HAUS8: variants seen among roughly 807,000 people sequenced by gnomAD.
The protein encoded by HAUS8 is HAUS augmin-like complex subunit 8.
HAUS8 carries 38 observed loss-of-function variants against 42.9 expected under a neutral mutation model. The observed-to-expected ratio is 0.89, with a 90% CI of 0.68 to 1.16. HAUS8 has a LOEUF of 1.16. HAUS8 is among the 50% of genes most tolerant of loss of function. The pLI, the probability that HAUS8 is intolerant of heterozygous loss-of-function variation, is 0.00. For synonymous variants in HAUS8, 199 were observed against 205.8 expected (o/e 0.97, Z 0.28); for missense variants, 494 against 511.6 (o/e 0.97, Z 0.33).
At position 17,058,840 on chromosome 19, in the gene HAUS8, T is replaced by C; in HGVS notation, c.457A>G (p.Thr153Ala). The C allele has an allele frequency of 6.2e-7, 1 of 1,613,580 alleles. No homozygotes were observed. Among genetic ancestry groups the C allele is most frequent in the Non-Finnish European group, 8.5e-7 (1 of 1,179,846 alleles). ...SEAMEMMESQ[T>A]LLLTLLSVKM... The stretch of plus-strand genomic sequence containing the variant: ...ACGGATAGTAGCGTCAGCAGTAGTG[T>C]CTGAGACTCCATCATTTCCATTGCT... Residue 153 changes from threonine (T) to alanine (A), a missense_variant, in exon 7 of 11, where the codon ACA (threonine) becomes GCA (alanine). Physicochemically the swap from Thr to Ala is moderately conservative, Grantham distance 58. Coordinates refer to ENST00000253669, the MANE Select transcript of HAUS8 (RefSeq NM_033417.2).
intron 9 of HAUS8, chr19:17,054,934 G>C (rs1291050489): frequency 1.3e-5 from 2 of 148,746 alleles, no homozygotes; most frequent in African/African-American, 5.0e-5. Flanking sequence ...TTGCACTACT[G>C]TACTCCAGGC....
intron 1 of HAUS8, 164 bp downstream of exon 1, chr19:17,075,230 C>T (rs2057462457): frequency 5.4e-6 from 4 of 740,512 alleles, no homozygotes; most frequent in Non-Finnish European, 6.8e-6. Context: ...CGCTCCGGAG[C>T]ATGCGCAGAG....
chr19:17,061,053 G>T (rs2057357595), intron 4 of HAUS8, among the ~76,000 whole-genome samples: 1 of 152,110 alleles, frequency 6.6e-6, no homozygotes, highest in African/African-American at 2.4e-5. Context: ...AAAAAATCTG[G>T]AAAGATCAGC....
Position 17,049,777 on chromosome 19 carries a change from G to A in HAUS8, c.*96C>T. 1.8e-6 allele frequency: 2 copies of A among 1,083,050 alleles called. No homozygotes were observed. Among genetic ancestry groups the A allele is most frequent in the Non-Finnish European group, 2.5e-6 (2 of 812,568 alleles). The allele number at this position is 1,083,050 out of a possible 1,614,324, so 67.1% of individuals were successfully genotyped here. On this transcript the variant is annotated 3_prime_UTR_variant, in exon 11 of 11. Coordinates refer to ENST00000253669, the MANE Select transcript of HAUS8 (RefSeq NM_033417.2). ...AATGGAGGCTTCAATTGCAAAACAG[G>A]TTTACTTTTTTATCAAACAAGATTA...
intron 2 of HAUS8, among the ~76,000 whole-genome samples, chr19:17,070,615 C>T (rs1421798703): frequency 6.6e-6 from 1 of 152,232 alleles, no homozygotes; most frequent in Non-Finnish European, 1.5e-5. Context: ...GCCATTTCGT[C>T]ACAGCATCTG....
intron 8 of HAUS8, among the ~76,000 whole-genome samples, chr19:17,056,671 A>G (rs1421239758): frequency 1.3e-5 from 2 of 151,952 alleles, no homozygotes; most frequent in African/African-American, 4.8e-5. Flanking sequence ...GCTCACTGCA[A>G]CCTCTGCCTC....
intron 3 of HAUS8, among the ~76,000 whole-genome samples, chr19:17,067,574 A>G (rs1227499564): frequency 6.6e-5 from 10 of 152,168 alleles, no homozygotes; most frequent in Non-Finnish European, 1.5e-5. Flanking sequence ...GAAAAACAGA[A>G]AAGATCTAAA....
At chr19:17,074,360 G>A (rs2057450828) in intron 1 of HAUS8, 2 of 152,482 alleles carry the variant, frequency 1.3e-5, no homozygotes, top group Admixed American at 6.5e-5. Context: ...AGACAATGTT[G>A]GGGACACTTC....
At chr19:17,070,279 T>C (rs1378844694) in intron 2 of HAUS8, among the ~76,000 whole-genome samples, 3 of 151,438 alleles carry the variant, frequency 2.0e-5, no homozygotes, top group Non-Finnish European at 4.4e-5. Flanking sequence ...CAGCAGTCCA[T>C]TCTCAGTCCT....
chr19:17,070,750 G>A (rs564877522), intron 2 of HAUS8, among the ~76,000 whole-genome samples: 60 of 152,354 alleles, frequency 3.9e-4, no homozygotes, highest in Middle Eastern at 3.4e-3. Flanking sequence ...ACCTGGTACG[G>A]GGTAGGCACT....
chr19:17,067,067 G>A (rs974973738), intron 3 of HAUS8, among the ~76,000 whole-genome samples: 12 of 151,930 alleles, frequency 7.9e-5, no homozygotes, highest in Non-Finnish European at 1.3e-4. Context: ...TAGCCAGGTG[G>A]GGTGGCACAC....
intron 3 of HAUS8, among the ~76,000 whole-genome samples, chr19:17,066,454 G>C (rs1202746586): frequency 6.6e-6 from 1 of 152,134 alleles, no homozygotes; most frequent in East Asian, 1.9e-4. Flanking sequence ...CTTGAGTTCT[G>C]TGAGTCACTC....
intron 9 of HAUS8, chr19:17,053,231 C>T (rs1477961289): frequency 8.0e-6 from 4 of 499,820 alleles, no homozygotes; most frequent in Non-Finnish European, 1.5e-5. Flanking sequence ...TCAACAGAAA[C>T]CAATGCAAAT....
rs1211255933 is a variant in HAUS8, at chr19:17,055,138, AAAAAAATATATATATATATATATAT to A, written c.787+698_787+722del. 5 of 29,624 alleles carry A rather than the reference AAAAAAATATATATATATATATATAT, an allele frequency of 1.7e-4. No homozygotes were observed. The South Asian group carries it at 5.4e-3, about 32-fold the overall frequency. 1.8% of individuals were successfully genotyped at this position (29,624 alleles called of 1,614,324 possible). ...AGAAAAAAAAAAAAAAAAAAAAAAA[AAAAAAATATATATATATATATATAT>A]ATATATATATATATATATATATATA... On this transcript the variant is annotated intron_variant, in intron 9 of 10. Transcript: ENST00000253669.
intron 3 of HAUS8, among the ~76,000 whole-genome samples, chr19:17,063,127 G>A (rs3816549): frequency 0.44 from 67,502 of 152,056 alleles, 15,248 homozygotes; most frequent in South Asian, 0.58. Flanking sequence ...TTACACATAT[G>A]TTGTCAAAAA....
chr19:17,051,444 G>C (rs1000804311), intron 10 of HAUS8, among the ~76,000 whole-genome samples: 4 of 151,948 alleles, frequency 2.6e-5, no homozygotes, highest in Admixed American at 2.6e-4. Context: ...GACGCACAAG[G>C]ATATGTGCTC....
rs1350916799 is a variant in HAUS8, at chr19:17,059,594, T to G, written c.383A>C (p.Glu128Ala). 1 of 1,614,028 alleles carries G rather than the reference T, an allele frequency of 6.2e-7. No individual in the cohort carries two copies. The highest frequency in any genetic ancestry group is 1.3e-5 in the African/African-American group (1 of 75,034). ...CCGAGGGGCAGAAAATGATGTTGAC[T>G]CAGGTTTCTTTGATATTGTTTTTGC... The part of the protein sequence containing the change: ...QLAKTISKKP[E>A]STSFSAPRKK... The change falls in exon 6 of 11, where the codon GAG (glutamate) becomes GCG (alanine). Residue 128 changes from glutamate (E) to alanine (A), a missense_variant. Coordinates refer to ENST00000253669, the MANE Select transcript of HAUS8 (RefSeq NM_033417.2).
At chr19:17,070,676 C>A (rs1022201286) in intron 2 of HAUS8, among the ~76,000 whole-genome samples, 4 of 152,242 alleles carry the variant, frequency 2.6e-5, no homozygotes, top group Admixed American at 6.5e-5. Flanking sequence ...GCAATGCCCA[C>A]CTCCTCCCTA....
intron 3 of HAUS8, among the ~76,000 whole-genome samples, chr19:17,065,353 CCA>C (rs1383605656): frequency 1.3e-5 from 2 of 152,178 alleles, no homozygotes. Context: ...CTCTGACCTC[CCA>C]CACTCCTTTC....
Sources: allele counts gnomAD v4.1 joint callset (sites outside exome capture counted in the v4.1 genomes callset), GRCh38; gene constraint gnomAD v4.1.1; transcripts MANE v1.5; gene names NCBI Gene and HGNC (gene_info 2026-07-23, HGNC 2026-07-21).